Variants in DPYD observed in about 807,000 individuals in gnomAD.
DPYD encodes the protein dihydropyrimidine dehydrogenase.
A neutral mutation model predicts 116.2 loss-of-function variants in DPYD; 109 were observed. That is an observed-to-expected ratio of 0.94 (90% CI 0.80 to 1.10). The LOEUF (loss-of-function observed/expected upper bound fraction) is 1.10. Ranked by LOEUF, DPYD falls within the 50% of genes least tolerant of loss-of-function variation. The pLI is 0.00. For synonymous variants in DPYD, 440 were observed against 432.0 expected, an observed-to-expected ratio of 1.02 and a Z score of -0.23; for missense variants, 1,302 against 1,254.5, an observed-to-expected ratio of 1.04 and a Z score of -0.57.
intron 2 of DPYD, among the ~76,000 whole-genome samples, chr1:97,849,713 T>C (rs1205007504): frequency 6.6e-6 from 1 of 152,174 alleles, no homozygotes; most frequent in Non-Finnish European, 1.5e-5. Context: ...AAGGAAGATA[T>C]TTGATTAATT....
intron 13 of DPYD, among the ~76,000 whole-genome samples, chr1:97,510,604 C>G (rs1391221374): frequency 6.6e-6 from 1 of 151,924 alleles, no homozygotes; most frequent in Non-Finnish European, 1.5e-5. Context: ...GTGAATTGCT[C>G]TAATCAGAGG....
chr1:97,760,733 A>G (rs1441059320), intron 3 of DPYD, among the ~76,000 whole-genome samples: 1 of 152,106 alleles, frequency 6.6e-6, no homozygotes, highest in Non-Finnish European at 1.5e-5. Context: ...ACAAAGACAC[A>G]GGGTAGCAAG....
At chr1:97,276,676 CA>C (rs36074078) in intron 18 of DPYD, among the ~76,000 whole-genome samples, 60,045 of 116,442 alleles carry the variant, frequency 0.52, 13,455 homozygotes, top group African/African-American at 0.63. Flanking sequence ...GACTCTGTCT[CA>C]AAAAAAAAAA....
chr1:97,533,781 T>C (rs971912373), intron 12 of DPYD, among the ~76,000 whole-genome samples: 2 of 152,150 alleles, frequency 1.3e-5, no homozygotes, highest in Non-Finnish European at 2.9e-5. Flanking sequence ...TTCTCTGAAA[T>C]AGACTAAGGT....
At chr1:97,299,709 T>C (rs1666748289) in intron 18 of DPYD, among the ~76,000 whole-genome samples, 1 of 152,128 alleles carries the variant, frequency 6.6e-6, no homozygotes, top group African/African-American at 2.4e-5. Flanking sequence ...GGCAAGGCTG[T>C]ACCTCAGACT....
chr1:97,384,263 A>G (rs1672172977), intron 14 of DPYD, among the ~76,000 whole-genome samples: 1 of 150,812 alleles, frequency 6.6e-6, no homozygotes, highest in African/African-American at 2.4e-5. Flanking sequence ...AAAAAAAAAG[A>G]TATGCTGTAA....
chr1:97,655,860 T>C (rs184973275), intron 8 of DPYD, among the ~76,000 whole-genome samples: 3 of 152,320 alleles, frequency 2.0e-5, no homozygotes, highest in East Asian at 3.9e-4. Context: ...TTTTGAGTCA[T>C]TTAGCTTTCA....
At chr1:97,372,565 T>G (rs1671360725) in intron 16 of DPYD, among the ~76,000 whole-genome samples, 1 of 152,200 alleles carries the variant, frequency 6.6e-6, no homozygotes, top group African/African-American at 2.4e-5. Flanking sequence ...TACATAAAAA[T>G]GGTTTCTCCT....
At chr1:97,890,551 A>C (rs980107521) in intron 1 of DPYD, among the ~76,000 whole-genome samples, 1 of 151,916 alleles carries the variant, frequency 6.6e-6, no homozygotes, top group African/African-American at 2.4e-5. Flanking sequence ...CTATTTTACA[A>C]AGCCAGTATT....
chr1:97,608,926 T>C (rs1655767744), intron 8 of DPYD, among the ~76,000 whole-genome samples: 1 of 151,888 alleles, frequency 6.6e-6, no homozygotes, highest in Non-Finnish European at 1.5e-5. Flanking sequence ...TTAAGTTCAC[T>C]GTAAACTATA....
chr1:97,620,464 G>T (rs982742083), intron 8 of DPYD, among the ~76,000 whole-genome samples: 2 of 151,986 alleles, frequency 1.3e-5, no homozygotes, highest in African/African-American at 2.4e-5. Context: ...GATCCTCCCC[G>T]CTTGGCTTCC....
At chr1:97,577,070 A>C (rs1272013309) in intron 10 of DPYD, among the ~76,000 whole-genome samples, 1 of 152,220 alleles carries the variant, frequency 6.6e-6, no homozygotes, top group African/African-American at 2.4e-5. Context: ...AAATAGGGAA[A>C]TACTAGGACA....
intron 13 of DPYD, among the ~76,000 whole-genome samples, chr1:97,462,167 A>G (rs1357796883): frequency 6.6e-6 from 1 of 152,248 alleles, no homozygotes; most frequent in Non-Finnish European, 1.5e-5. Flanking sequence ...TGTGTTATTC[A>G]TAATAGCACT....
intron 19 of DPYD, among the ~76,000 whole-genome samples, chr1:97,229,711 T>A (rs748784478): frequency 1.3e-5 from 2 of 151,854 alleles, no homozygotes; most frequent in South Asian, 2.1e-4. Context: ...ACAGATTAGA[T>A]TGCCAGCTCT....
chr1:97,527,820 GAAAAGCACTACT>G (rs929943840), intron 12 of DPYD, among the ~76,000 whole-genome samples: 2 of 144,994 alleles, frequency 1.4e-5, no homozygotes, highest in African/African-American at 5.1e-5. Flanking sequence ...AAAAGGAAGA[GAAAAGCACTACT>G]AAAAGCAATA....
At chr1:97,385,782 G>A (rs1027878279) in intron 14 of DPYD, among the ~76,000 whole-genome samples, 1 of 152,126 alleles carries the variant, frequency 6.6e-6, no homozygotes, top group African/African-American at 2.4e-5. Context: ...GGGAAGCAAG[G>A]TTTAGCAGCC....
intron 8 of DPYD, among the ~76,000 whole-genome samples, chr1:97,645,548 CTG>C (rs1055015804): frequency 4.1e-4 from 62 of 152,078 alleles, no homozygotes; most frequent in African/African-American, 1.4e-3. Flanking sequence ...TTCTAAATCT[CTG>C]TATGCATTTG....
intron 19 of DPYD, among the ~76,000 whole-genome samples, chr1:97,204,833 T>C (rs1046775755): frequency 1.2e-4 from 19 of 152,206 alleles, no homozygotes; most frequent in South Asian, 4.1e-4. Flanking sequence ...AGCATTAACA[T>C]TGGATCTAAT....
At chr1:97,191,077 C>T (rs964081151) in intron 20 of DPYD, among the ~76,000 whole-genome samples, 14 of 148,438 alleles carry the variant, frequency 9.4e-5, no homozygotes, top group East Asian at 2.1e-4. Flanking sequence ...CACATACACA[C>T]GTACATACAA....
Sources: allele counts gnomAD v4.1 joint callset (sites outside exome capture counted in the v4.1 genomes callset), GRCh38; gene constraint gnomAD v4.1.1; transcripts MANE v1.5; gene names NCBI Gene and HGNC (gene_info 2026-07-23, HGNC 2026-07-21).